The following LRRC7 variants were observed in gnomAD, a reference collection of about 807,000 sequenced individuals.
LRRC7 encodes the protein leucine rich repeat containing 7, also known as leucine-rich repeat-containing protein 7.
LRRC7 carries 23 observed loss-of-function variants against 175.7 expected under a neutral mutation model. The ratio of observed to expected loss-of-function variants is 0.13; its 90% CI spans 0.09 to 0.19. The LOEUF (loss-of-function observed/expected upper bound fraction) is 0.19. LRRC7 is among the 10% of genes least tolerant of loss of function. LRRC7 has a pLI of 1.00. For missense variants in LRRC7, 1,354 were observed against 1,904.7 expected, an observed-to-expected ratio of 0.71 and a Z score of 5.38; for synonymous variants, 685 against 680.9, an observed-to-expected ratio of 1.01 and a Z score of -0.09.
chr1:69,924,818 C>A lies in LRRC7; in HGVS notation c.648-6689C>A, dbSNP rs187772672. ...CTTTCTCATGCCTGATTGCCCTGGC[C>A]AGAATTTCCAACACTATGTTGAATA... On this transcript the variant is annotated intron_variant, in intron 7 of 26. Transcript: ENST00000651989. Among the ~76,000 whole-genome samples the A allele has an allele frequency of 9.9e-4, 151 of 152,244 alleles. 1 individual carries two copies. The highest frequency in any genetic ancestry group is 3.4e-3 in the African/African-American group (142 of 41,550).
At chr1:69,750,337 A>G (rs1669729254) in intron 2 of LRRC7, among the ~76,000 whole-genome samples, 1 of 125,508 alleles carries the variant, frequency 8.0e-6, no homozygotes, top group African/African-American at 2.9e-5. Context: ...ACTAACACAA[A>G]GAAATGATAA....
intron 3 of LRRC7, among the ~76,000 whole-genome samples, chr1:69,773,877 G>C (rs1672517136): frequency 6.6e-6 from 1 of 152,114 alleles, no homozygotes; most frequent in African/African-American, 2.4e-5. Context: ...AATAGAGCTG[G>C]GCATGGTGGA....
intron 7 of LRRC7, among the ~76,000 whole-genome samples, chr1:69,845,453 ATTC>A (rs996516176): frequency 1.6e-4 from 25 of 152,132 alleles, no homozygotes; most frequent in African/African-American, 6.0e-4. Context: ...AAGTTCATTT[ATTC>A]TTTTTTAATA....
chr1:69,936,185 A>G (rs1336861130), intron 8 of LRRC7, among the ~76,000 whole-genome samples: 2 of 152,198 alleles, frequency 1.3e-5, no homozygotes, highest in African/African-American at 2.4e-5. Context: ...AAATTTTGAC[A>G]GTGGATAGGG....
At position 70,133,046 on chromosome 1, in the gene LRRC7, A is replaced by T. The variant is rs1666737109; in HGVS notation, c.*11159A>T. 6.6e-6 allele frequency among the ~76,000 whole-genome samples: 1 copy of T among 152,190 alleles called. No homozygotes were observed. The highest frequency in any genetic ancestry group is 2.4e-5 in the African/African-American group (1 of 41,456). On this transcript the variant is annotated 3_prime_UTR_variant, in exon 27 of 27. Coordinates refer to ENST00000651989, the MANE Select transcript of LRRC7 (RefSeq NM_001370785.2). The stretch of plus-strand genomic sequence containing the variant: ...TTAAATTACTGCGTTCAACTCTGAC[A>T]AATACTATCCTCATATTTAGTTGTA...
intron 7 of LRRC7, among the ~76,000 whole-genome samples, chr1:69,870,453 T>A (rs1377027929): frequency 6.6e-6 from 1 of 152,074 alleles, no homozygotes; most frequent in East Asian, 1.9e-4. Context: ...GTAGATGGAC[T>A]CCTTCTTTGA....
At chr1:70,101,965 C>G (rs752490028) in intron 25 of LRRC7, among the ~76,000 whole-genome samples, 2 of 152,148 alleles carry the variant, frequency 1.3e-5, no homozygotes, top group Non-Finnish European at 2.9e-5. Context: ...CTTCCAGTAC[C>G]TACCATGTTG....
Position 70,132,620 on chromosome 1 carries a change from T to A in LRRC7, c.*10733T>A, listed in dbSNP as rs1329435981. On this transcript the variant is annotated 3_prime_UTR_variant, in exon 27 of 27. Transcript: ENST00000651989. ...CCGAGTAGCTGGGATTACAGGCGCC[T>A]GCCACTGCACCCGGCTAATTTTTTG... Among the ~76,000 whole-genome samples the A allele has an allele frequency of 6.6e-5, 10 of 151,928 alleles. No homozygotes were observed. Among genetic ancestry groups the A allele is most frequent in the African/African-American group, 1.9e-4 (8 of 41,466 alleles).
rs943164869 is a variant in LRRC7 at position 70,141,717 on chromosome 1, A to C, written c.*19830A>C. 15 of 152,124 alleles carry C rather than the reference A, an allele frequency of 9.9e-5. No individual in the cohort carries two copies. Among genetic ancestry groups the C allele is most frequent in the African/African-American group, 2.7e-4 (11 of 41,438 alleles). 9.4% of individuals were successfully genotyped at this position (152,124 alleles called of 1,614,324 possible). Reference sequence around the variant, plus strand: ...TGAAGTTTTAAAGTTAGCTGCTTATATTGTACAAAGATATTTTTGGCTCTT... The same window carrying C: ...TGAAGTTTTAAAGTTAGCTGCTTATCTTGTACAAAGATATTTTTGGCTCTT... On this transcript the variant is annotated 3_prime_UTR_variant, in exon 27 of 27. Coordinates refer to ENST00000651989, the MANE Select transcript of LRRC7 (RefSeq NM_001370785.2).
At position 69,838,223 on chromosome 1, in the gene LRRC7, G is replaced by A. The variant is rs766947501; in HGVS notation, c.591-4G>A. ...GAGGAAATTTTTAAAATTCATTTCTGTAGACTTGTCAAATTGCGGATCTTG... is the reference window on the plus strand; with the variant it reads ...GAGGAAATTTTTAAAATTCATTTCTATAGACTTGTCAAATTGCGGATCTTG... On this transcript the variant is annotated splice_region_variant and splice_polypyrimidine_tract_variant and intron_variant, in intron 6 of 26. Coordinates refer to ENST00000651989, the MANE Select transcript of LRRC7 (RefSeq NM_001370785.2). The A allele has an allele frequency of 2.5e-6, 4 of 1,606,478 alleles. No individual in the cohort carries two copies. The highest frequency in any genetic ancestry group is 3.4e-6 in the Non-Finnish European group (4 of 1,174,588).
intron 25 of LRRC7, among the ~76,000 whole-genome samples, chr1:70,100,937 T>C (rs1664760784): frequency 6.6e-6 from 1 of 152,158 alleles, no homozygotes. Context: ...CTTAAAATAC[T>C]TTGTCATCAC....
At chr1:69,890,699 A>G (rs1645807250) in intron 7 of LRRC7, among the ~76,000 whole-genome samples, 1 of 152,164 alleles carries the variant, frequency 6.6e-6, no homozygotes, top group Non-Finnish European at 1.5e-5. Flanking sequence ...ATCTATATTG[A>G]AAACCTGTTT....
intron 1 of LRRC7, among the ~76,000 whole-genome samples, chr1:69,659,585 G>A (rs533537206): frequency 4.4e-4 from 66 of 150,700 alleles, no homozygotes; most frequent in Non-Finnish European, 8.0e-4. Context: ...CAGCTGCAAT[G>A]ACTCCATAGA....
intron 2 of LRRC7, among the ~76,000 whole-genome samples, chr1:69,712,746 TA>T (rs1286547497): frequency 6.6e-6 from 1 of 152,202 alleles, no homozygotes; most frequent in East Asian, 1.9e-4. Flanking sequence ...TGGTCTCTTA[TA>T]AAAGAATAAT....
At position 69,834,804 on chromosome 1, in the gene LRRC7, C is replaced by A; in HGVS notation, c.525C>A (p.Leu175=). 1 of 1,613,298 alleles carries A rather than the reference C, an allele frequency of 6.2e-7. No homozygotes were observed. Residue 175 remains leucine, a synonymous_variant, in exon 6 of 27, where the codon CTC becomes CTA. Coordinates refer to ENST00000651989, the MANE Select transcript of LRRC7 (RefSeq NM_001370785.2). ...ISKLPDGFTQ[L]LNLTQLYLND... Reference sequence around the variant, plus strand: ...GACTACCTGATGGCTTCACACAGCTCCTAAACCTGACCCAGCTCTACCTGA... The same window carrying A: ...GACTACCTGATGGCTTCACACAGCTACTAAACCTGACCCAGCTCTACCTGA...
At chr1:69,826,096 A>G (rs1467312893) in intron 5 of LRRC7, among the ~76,000 whole-genome samples, 5 of 152,268 alleles carry the variant, frequency 3.3e-5, no homozygotes, top group African/African-American at 1.2e-4. Context: ...AACACTCCAT[A>G]GATAAGAGTT....
chr1:69,748,543 T>C (rs1016574884), intron 2 of LRRC7, among the ~76,000 whole-genome samples: 1 of 151,924 alleles, frequency 6.6e-6, no homozygotes, highest in African/African-American at 2.4e-5. Flanking sequence ...TACTCAAAGT[T>C]TTATTAAATA....
At chr1:69,568,844 TG>T (rs1235803959) in intron 1 of LRRC7, among the ~76,000 whole-genome samples, 1 of 151,996 alleles carries the variant, frequency 6.6e-6, no homozygotes, top group East Asian at 1.9e-4. Flanking sequence ...CATTTGGAAA[TG>T]GGGTGCTAAC....
chr1:69,747,021 TTCTGTGGACC>T (rs1304148315), intron 2 of LRRC7, among the ~76,000 whole-genome samples: 7 of 152,140 alleles, frequency 4.6e-5, no homozygotes, highest in Admixed American at 4.6e-4. Flanking sequence ...ATCATCTTCC[TTCTGTGGACC>T]TCTGTCTTTT....
Sources: gnomAD v4.1 joint callset for allele counts (sites outside exome capture counted in the v4.1 genomes callset) on GRCh38, gnomAD v4.1.1 for gene constraint, MANE v1.5 for transcripts, NCBI Gene and HGNC (gene_info 2026-07-23, HGNC 2026-07-21) for gene names.